Variants in DNAH12 observed in about 807,000 individuals in gnomAD.
DNAH12 encodes dynein axonemal heavy chain 12.
A neutral mutation model predicts 371.5 loss-of-function variants in DNAH12; 285 were observed. That is an observed-to-expected ratio of 0.77 (90% CI 0.70 to 0.85). DNAH12 has a LOEUF of 0.85. Ranked by LOEUF, DNAH12 falls within the 40% of genes least tolerant of loss-of-function variation. DNAH12 has a pLI of 0.00. For missense variants in DNAH12, 3,611 were observed against 3,689.4 expected, an observed-to-expected ratio of 0.98 and a Z score of 0.55; for synonymous variants, 1,200 against 1,213.0, an observed-to-expected ratio of 0.99 and a Z score of 0.22.
rs371130568 is a variant in DNAH12, at chr3:57,304,584, C to T, written c.11190-2645G>A. On this transcript the variant is annotated intron_variant, in intron 69 of 73. Coordinates refer to ENST00000495027, the MANE Select transcript of DNAH12 (RefSeq NM_001366028.2). The stretch of plus-strand genomic sequence containing the variant: ...TTTATCCGTGAACCCAAAACTCCGG[C>T]GCTGAACATGGACTTGGGAAGACAG... Among the ~76,000 whole-genome samples the T allele has an allele frequency of 3.6e-4, 55 of 152,284 alleles. 1 individual carries two copies. The highest frequency in any genetic ancestry group is 1.2e-3 in the African/African-American group (49 of 41,562).
At position 57,428,130 on chromosome 3, in the gene DNAH12, T is replaced by C. The variant is rs189742572; in HGVS notation, c.5253+503A>G. Among the ~76,000 whole-genome samples, 333 of 152,138 alleles carry C rather than the reference T, an allele frequency of 2.2e-3. 1 individual carries two copies. Among genetic ancestry groups the C allele is most frequent in the Admixed American group, 7.9e-3 (121 of 15,288 alleles). ...CTTTAGTAGAGACAGGGTTTCACCA[T>C]ATTGGCCAGACTAGTCTCAAACTCC... On this transcript the variant is annotated intron_variant, in intron 34 of 73. Coordinates refer to ENST00000495027, the MANE Select transcript of DNAH12 (RefSeq NM_001366028.2).
intron 59 of DNAH12, among the ~76,000 whole-genome samples, chr3:57,353,934 T>G (rs1464141664): frequency 2.6e-5 from 4 of 152,218 alleles, no homozygotes; most frequent in Non-Finnish European, 5.9e-5. Context: ...GGTGGGAATG[T>G]AAATTAGTTC....
At chr3:57,377,930 T>C (rs2063314647) in intron 52 of DNAH12, among the ~76,000 whole-genome samples, 2 of 152,190 alleles carry the variant, frequency 1.3e-5, no homozygotes, top group South Asian at 2.1e-4. Context: ...AGAAAGAAGA[T>C]AGACCTAACT....
chr3:57,444,909 C>G (rs1575608178), intron 28 of DNAH12, 93 bp from the exon 29 acceptor site: 2 of 1,431,876 alleles, frequency 1.4e-6, no homozygotes, highest in East Asian at 2.5e-5. Context: ...TGCCCCACCC[C>G]ACCCCCCTGG....
chr3:57,555,467 G>A, the DNAH12 span, among the ~76,000 whole-genome samples: 1 of 151,998 alleles, frequency 6.6e-6, no homozygotes, highest in Non-Finnish European at 1.5e-5. Context: ...GAGCCCTGGA[G>A]TTCGAGGGGG....
chr3:57,481,410 A>G (rs1303235835), intron 13 of DNAH12, among the ~76,000 whole-genome samples: 5 of 151,984 alleles, frequency 3.3e-5, no homozygotes, highest in East Asian at 1.9e-4. Context: ...ACTGCTCAAC[A>G]AAATAAAAGA....
rs782209229 is a variant in DNAH12 at position 57,405,772 on chromosome 3, G to A, written c.6457C>T (p.Arg2153Cys). The stretch of plus-strand genomic sequence containing the variant: ...CTTCGATCATCATCATTAATGAGGC[G>A]ATCATAAAACACTCGGAGAACCTCA... ...VHEVLRVFYD[R>C]LINDDDRRWL... is the part of the protein sequence containing the mutation. The change falls in exon 41 of 74, where the codon CGC becomes TGC. Residue 2153 changes from arginine to cysteine, a missense_variant. Physicochemically the swap from Arg to Cys is radical, Grantham distance 180. Coordinates refer to ENST00000495027, the MANE Select transcript of DNAH12 (RefSeq NM_001366028.2). 5.8e-6 allele frequency: 9 copies of A among 1,551,412 alleles called. No individual in the cohort carries two copies. The highest frequency in any genetic ancestry group is 4.1e-5 in the African/African-American group (3 of 72,988).
chr3:57,402,514 C>G, intron 43 of DNAH12: 1 of 1,076,438 alleles, frequency 9.3e-7, no homozygotes. Context: ...CTGCTAGAAA[C>G]CATTTATTTA....
Position 57,314,522 on chromosome 3 carries a change from T to A in DNAH12, c.10634A>T (p.Asp3545Val). 1 of 1,551,198 alleles carries A rather than the reference T, an allele frequency of 6.4e-7. No homozygotes were observed. Residue 3545 changes from aspartate (D) to valine (V), a missense_variant, in exon 66 of 74, where the codon GAC (aspartate) becomes GTC (valine). Physicochemically the swap from Asp to Val is radical, Grantham distance 152. Transcript: ENST00000495027. ...WNIPYGFNES[D>V]LRISIRQLQL... Reference sequence around the variant, plus strand: ...CAGTTGTCGGATACTGATGCGCAAGTCAGATTCATTAAATCCATATGGAAT... The same window carrying A: ...CAGTTGTCGGATACTGATGCGCAAGACAGATTCATTAAATCCATATGGAAT...
At position 57,498,940 on chromosome 3, in the gene DNAH12, A is replaced by G. The variant is rs558096858; in HGVS notation, c.1335+2381T>C. On this transcript the variant is annotated intron_variant, in intron 11 of 73. Transcript: ENST00000495027. ...CTTGAACCTGGGAGGCGGAGGTTGC[A>G]GTGAGCCGAGATTGCACCACTGCAC... Among the ~76,000 whole-genome samples the G allele has an allele frequency of 2.0e-5, 3 of 152,232 alleles. No homozygotes were observed. In the East Asian group the frequency reaches 5.8e-4, roughly 29 times the overall value.
At chr3:57,453,542 C>T (rs778385150) in intron 23 of DNAH12, 139 bp from the exon 24 acceptor site, 7 of 699,558 alleles carry the variant, frequency 1.0e-5, no homozygotes, top group African/African-American at 1.9e-5. Flanking sequence ...CGTGGTGGCT[C>T]ATGCCTAAAA....
At chr3:57,297,793 G>A (rs2061264014) in intron 70 of DNAH12, among the ~76,000 whole-genome samples, 1 of 152,080 alleles carries the variant, frequency 6.6e-6, no homozygotes, top group Non-Finnish European at 1.5e-5. Flanking sequence ...CTATCCAGAA[G>A]AATTGCCAGA....
intron 37 of DNAH12, 35 bp from the exon 38 acceptor site, chr3:57,415,599 GAAAA>G: frequency 6.7e-7 from 1 of 1,495,588 alleles, no homozygotes; most frequent in Non-Finnish European, 8.9e-7. Flanking sequence ...ATTCAAAATG[GAAAA>G]AAAGTCAGAA....
chr3:57,464,408 T>A (rs1584327), intron 17 of DNAH12, among the ~76,000 whole-genome samples: 2 of 152,000 alleles, frequency 1.3e-5, no homozygotes, highest in African/African-American at 4.8e-5. Flanking sequence ...TCCGCATTCA[T>A]TAAGGGCAGC....
At chr3:57,384,694 G>A (rs2063466738) in intron 49 of DNAH12, 135 bp downstream of exon 49, 1 of 152,136 alleles carries the variant, frequency 6.6e-6, no homozygotes, top group African/African-American at 2.4e-5. Context: ...AAACTGTTAA[G>A]AGCCAAGTTT....
At position 57,405,687 on chromosome 3, in the gene DNAH12, C is replaced by T. The variant is rs2153353207; in HGVS notation, c.6542G>A (p.Ser2181Asn). ...IKDHFKESFHSIFSHLRKQNA... is the reference protein window; with the variant it reads ...IKDHFKESFHNIFSHLRKQNA... Reference sequence around the variant, plus strand: ...TTGTTTCCTCAAATGTGAAAAGATACTGTGAAATGATTCTTTAAAATGGTC... The same window carrying T: ...TTGTTTCCTCAAATGTGAAAAGATATTGTGAAATGATTCTTTAAAATGGTC... Residue 2181 changes from serine to asparagine, a missense_variant, in exon 41 of 74, where the codon AGT becomes AAT. By Grantham distance (46) the Ser-to-Asn change is conservative. Transcript: ENST00000495027. 2 of 1,551,542 alleles carry T rather than the reference C, an allele frequency of 1.3e-6. No individual in the cohort carries two copies. Among genetic ancestry groups the T allele is most frequent in the Non-Finnish European group, 1.7e-6 (2 of 1,146,926 alleles).
chr3:57,500,156 C>T (rs753425545), intron 11 of DNAH12, among the ~76,000 whole-genome samples: 5 of 84,638 alleles, frequency 5.9e-5, no homozygotes, highest in Non-Finnish European at 8.4e-5. Context: ...TCCTACTCCT[C>T]AGCCCCCCCT....
intron 45 of DNAH12, among the ~76,000 whole-genome samples, chr3:57,390,522 A>C (rs2063601501): frequency 7.3e-6 from 1 of 137,304 alleles, no homozygotes; most frequent in Non-Finnish European, 1.6e-5. Flanking sequence ...ACAAAACCAG[A>C]ATGCAGTTCA....
At chr3:57,507,953 C>A in intron 7 of DNAH12, 115 bp from the exon 8 acceptor site, 1 of 891,406 alleles carries the variant, frequency 1.1e-6, no homozygotes, top group Non-Finnish European at 1.6e-6. Context: ...CTTTGGGAGG[C>A]TGAGGCAGGC....
Sources: allele counts gnomAD v4.1 joint callset (sites outside exome capture counted in the v4.1 genomes callset), GRCh38; gene constraint gnomAD v4.1.1; transcripts MANE v1.5; gene names NCBI Gene and HGNC (gene_info 2026-07-23, HGNC 2026-07-21).